EPHA3: variants seen among roughly 807,000 people sequenced by gnomAD.
EPHA3 encodes the protein EPH receptor A3.
A neutral mutation model predicts 107.1 loss-of-function variants in EPHA3; 42 were observed. The ratio of observed to expected loss-of-function variants is 0.39; its 90% CI spans 0.31 to 0.51. The LOEUF is 0.51. Ranked by LOEUF, EPHA3 falls within the 20% of genes least tolerant of loss-of-function variation. The pLI is 0.78. For missense variants in EPHA3, 1,183 were observed against 1,211.2 expected, an observed-to-expected ratio of 0.98 and a Z score of 0.35; for synonymous variants, 461 against 424.8, an observed-to-expected ratio of 1.09 and a Z score of -1.05.
chr3:89,406,728 C>G (rs1174312320), intron 7 of EPHA3, among the ~76,000 whole-genome samples: 1 of 151,994 alleles, frequency 6.6e-6, no homozygotes, highest in East Asian at 1.9e-4. Context: ...GCTTTTTTGC[C>G]AACCATTTGT....
In EPHA3 at chr3:89,210,358, A is replaced by G; in HGVS notation, c.652A>G (p.Met218Val). The change falls in exon 3 of 17, where the codon ATG becomes GTG. Residue 218 changes from methionine to valine, a missense_variant. By Grantham distance (21) the Met-to-Val change is conservative. Coordinates refer to ENST00000336596, the MANE Select transcript of EPHA3 (RefSeq NM_005233.6). ...NLAMFPDTVPMDSQSLVEVRG... is the reference protein window; with the variant it reads ...NLAMFPDTVPVDSQSLVEVRG... ...GGCTATGTTTCCAGACACGGTACCCATGGACTCCCAGTCCCTGGTGGAGGT... is the reference window on the plus strand; with the variant it reads ...GGCTATGTTTCCAGACACGGTACCCGTGGACTCCCAGTCCCTGGTGGAGGT... The G allele has an allele frequency of 6.2e-7, 1 of 1,613,778 alleles. No individual in the cohort carries two copies. The highest frequency in any genetic ancestry group is 8.5e-7 in the Non-Finnish European group (1 of 1,179,860).
chr3:89,198,608 A>G (rs1027589135), intron 2 of EPHA3, among the ~76,000 whole-genome samples: 1 of 152,216 alleles, frequency 6.6e-6, no homozygotes, highest in African/African-American at 2.4e-5. Flanking sequence ...AACAGCTTAC[A>G]TTTCAGAGAA....
At chr3:89,352,054 T>C (rs1250406291) in intron 5 of EPHA3, among the ~76,000 whole-genome samples, 1 of 151,222 alleles carries the variant, frequency 6.6e-6, no homozygotes, top group Non-Finnish European at 1.5e-5. Context: ...AATTATGATA[T>C]TTAAAAGAGA....
At chr3:89,320,730 A>G (rs763831880) in intron 3 of EPHA3, among the ~76,000 whole-genome samples, 2 of 152,132 alleles carry the variant, frequency 1.3e-5, no homozygotes, top group Admixed American at 6.6e-5. Context: ...TAGATGTAAA[A>G]CACCACAAAA....
At chr3:89,190,829 T>A (rs1017411227) in intron 2 of EPHA3, among the ~76,000 whole-genome samples, 11 of 152,196 alleles carry the variant, frequency 7.2e-5, no homozygotes, top group Non-Finnish European at 1.2e-4. Flanking sequence ...TCCCTCAATA[T>A]ATGTCTGTGT....
At chr3:89,190,531 T>A (rs1455293718) in intron 2 of EPHA3, among the ~76,000 whole-genome samples, 1 of 152,198 alleles carries the variant, frequency 6.6e-6, no homozygotes, top group African/African-American at 2.4e-5. Context: ...CTGGGTGGTT[T>A]AAACAAAAGA....
intron 3 of EPHA3, among the ~76,000 whole-genome samples, chr3:89,288,514 T>C (rs1706141328): frequency 6.6e-6 from 1 of 152,156 alleles, no homozygotes; most frequent in Non-Finnish European, 1.5e-5. Flanking sequence ...AAAAGTGTTA[T>C]AGGCTTGAGT....
At chr3:89,259,623 G>A (rs1705368698) in intron 3 of EPHA3, among the ~76,000 whole-genome samples, 1 of 152,074 alleles carries the variant, frequency 6.6e-6, no homozygotes, top group African/African-American at 2.4e-5. Flanking sequence ...ATAGTAAAAT[G>A]GTTGCTCTAC....
rs1330585977 is a variant in EPHA3, at chr3:89,231,103, CAG to C, written c.814+20584_814+20585del. Among the ~76,000 whole-genome samples the C allele has an allele frequency of 5.3e-5, 8 of 152,096 alleles. No homozygotes were observed. The East Asian group carries it at 1.4e-3, about 26-fold the overall frequency. The stretch of plus-strand genomic sequence containing the variant: ...TGAATTTATGTAATGGGGGAATAGA[CAG>C]TAATTAATTCTTTTAATAATTTGCA... On this transcript the variant is annotated intron_variant, in intron 3 of 16. Coordinates refer to ENST00000336596, the MANE Select transcript of EPHA3 (RefSeq NM_005233.6).
intron 1 of EPHA3, among the ~76,000 whole-genome samples, chr3:89,109,609 A>G (rs992172814): frequency 3.3e-5 from 5 of 152,024 alleles, no homozygotes; most frequent in African/African-American, 1.2e-4. Flanking sequence ...AAAGACACCA[A>G]ACTATTTCAC....
chr3:89,452,966 A>G (rs1710023540), intron 15 of EPHA3, among the ~76,000 whole-genome samples: 1 of 142,940 alleles, frequency 7.0e-6, no homozygotes, highest in African/African-American at 2.5e-5. Flanking sequence ...TTTATTGATA[A>G]TAACACTTAG....
chr3:89,365,834 C>G (rs1576338502), intron 5 of EPHA3, among the ~76,000 whole-genome samples: 1 of 150,610 alleles, frequency 6.6e-6, no homozygotes, highest in South Asian at 2.1e-4. Context: ...GCAGAGCCTG[C>G]CATGCAATTT....
intron 3 of EPHA3, among the ~76,000 whole-genome samples, chr3:89,290,499 T>C (rs1211577413): frequency 6.6e-6 from 1 of 152,172 alleles, no homozygotes; most frequent in Admixed American, 6.6e-5. Context: ...CAATAGTAAG[T>C]TATGAAAAAG....
chr3:89,313,545 T>C (rs1267496012), intron 3 of EPHA3, among the ~76,000 whole-genome samples: 1 of 152,036 alleles, frequency 6.6e-6, no homozygotes, highest in Non-Finnish European at 1.5e-5. Flanking sequence ...TCAATGTTTA[T>C]CTGTAACTTA....
chr3:89,167,691 T>C (rs1705107418), intron 2 of EPHA3, among the ~76,000 whole-genome samples: 1 of 152,134 alleles, frequency 6.6e-6, no homozygotes, highest in Non-Finnish European at 1.5e-5. Context: ...TTCCTTCCTT[T>C]AGAAATTATA....
chr3:89,379,927 C>T (rs1708467862), intron 5 of EPHA3, among the ~76,000 whole-genome samples: 1 of 152,048 alleles, frequency 6.6e-6, no homozygotes, highest in African/African-American at 2.4e-5. Flanking sequence ...GGGATTTTGC[C>T]CCCTTAAAGG....
intron 5 of EPHA3, among the ~76,000 whole-genome samples, chr3:89,365,265 T>C (rs1246874564): frequency 1.3e-5 from 2 of 150,526 alleles, no homozygotes; most frequent in Non-Finnish European, 3.0e-5. Context: ...GGGAAGATAA[T>C]TGTCCCCTCA....
chr3:89,450,029 G>A (rs189974632), intron 14 of EPHA3, 148 bp from the exon 15 acceptor site: 1 of 554,096 alleles, frequency 1.8e-6, no homozygotes, highest in East Asian at 3.0e-5. Flanking sequence ...TATTTGATCA[G>A]TTGTTATCCT....
At chr3:89,312,364 TG>T (rs1376299021) in intron 3 of EPHA3, among the ~76,000 whole-genome samples, 1 of 148,154 alleles carries the variant, frequency 6.7e-6, no homozygotes, top group Non-Finnish European at 1.5e-5. Context: ...TACGCAATTC[TG>T]GTTTTTTTTT....
Sources: allele counts gnomAD v4.1 joint callset (sites outside exome capture counted in the v4.1 genomes callset), GRCh38; gene constraint gnomAD v4.1.1; transcripts MANE v1.5; gene names NCBI Gene and HGNC (gene_info 2026-07-23, HGNC 2026-07-21).